RBFOX1: variants seen among roughly 807,000 people sequenced by gnomAD.
RBFOX1 encodes the protein RNA binding protein fox-1 homolog 1.
Under a neutral mutation model 57.7 loss-of-function variants are expected in RBFOX1, and 8 were observed. The ratio of observed to expected loss-of-function variants is 0.14; its 90% confidence interval spans 0.08 to 0.25. The LOEUF (loss-of-function observed/expected upper bound fraction) is 0.25, where lower values mean the gene tolerates loss of function less well. Among genes scored for constraint, RBFOX1 ranks in the 10% least tolerant of loss-of-function variants. The probability of loss-of-function intolerance (pLI) is 1.00; values close to 1 mark genes in which losing one functional copy is unlikely to be tolerated. For missense variants in RBFOX1, 611 were observed against 548.5 expected, an observed-to-expected ratio of 1.11 and a Z score of -1.14; for synonymous variants, 326 against 222.4, an observed-to-expected ratio of 1.47 and a Z score of -4.15.
chr16:7,029,297 T>C (rs1191580016), intron 3 of RBFOX1, among the ~76,000 whole-genome samples: 3 of 140,396 alleles, frequency 2.1e-5, no homozygotes, highest in Admixed American at 7.3e-5. Flanking sequence ...CATATATATA[T>C]ACGTATATGT....
intron 1 of RBFOX1, among the ~76,000 whole-genome samples, chr16:6,116,315 G>A (rs2096495412): frequency 6.6e-6 from 1 of 152,110 alleles, no homozygotes; most frequent in East Asian, 1.9e-4. Flanking sequence ...GATCCCTAAT[G>A]TAGATGACAG....
At chr16:6,936,235 A>G (rs2077346777) in intron 3 of RBFOX1, among the ~76,000 whole-genome samples, 1 of 152,222 alleles carries the variant, frequency 6.6e-6, no homozygotes, top group Admixed American at 6.5e-5. Flanking sequence ...AGAATAAATT[A>G]AGGGATGCTG....
rs574250977 is a variant in RBFOX1, at chr16:6,742,677, A to C, written c.-16+88027A>C. Among the ~76,000 whole-genome samples, 102 of 152,318 alleles carry C rather than the reference A, an allele frequency of 6.7e-4. 1 individual carries two copies. The highest frequency in any genetic ancestry group is 3.5e-4 in the Non-Finnish European group (24 of 68,020). On this transcript the variant is annotated intron_variant, in intron 3 of 15. Transcript: ENST00000550418. Reference sequence around the variant, plus strand: ...TAAAAACTGAATGAACTATCGATATACACAACACCTGTGATGAATCTCAAG... The same window carrying C: ...TAAAAACTGAATGAACTATCGATATCCACAACACCTGTGATGAATCTCAAG...
At chr16:7,206,804 A>G (rs1183245963) in intron 4 of RBFOX1, among the ~76,000 whole-genome samples, 1 of 152,116 alleles carries the variant, frequency 6.6e-6, no homozygotes, top group African/African-American at 2.4e-5. Context: ...GGAGAGTGAA[A>G]GGGGCATTTT....
rs192130501 is a variant in RBFOX1 at position 6,143,393 on chromosome 16, C to G, written c.-127+123401C>G. 4.6e-5 allele frequency among the ~76,000 whole-genome samples: 7 copies of G among 152,258 alleles called. No homozygotes were observed. In the East Asian group the frequency reaches 1.2e-3, roughly 25 times the overall value. On this transcript the variant is annotated intron_variant, in intron 1 of 15. Transcript: ENST00000550418. ...TGTTCATAAGTCAGATTGATGGTCTCAAGTATTATTTCATCAAATCACAAT... is the reference window on the plus strand; with the variant it reads ...TGTTCATAAGTCAGATTGATGGTCTGAAGTATTATTTCATCAAATCACAAT...
chr16:6,573,008 ACT>A (rs1197708130), intron 2 of RBFOX1, among the ~76,000 whole-genome samples: 1 of 152,058 alleles, frequency 6.6e-6, no homozygotes, highest in Non-Finnish European at 1.5e-5. Flanking sequence ...GTCAGGGATC[ACT>A]CTATTAAGAG....
intron 2 of RBFOX1, among the ~76,000 whole-genome samples, chr16:6,377,911 C>T (rs1442050309): frequency 6.6e-6 from 1 of 152,160 alleles, no homozygotes; most frequent in African/African-American, 2.4e-5. Flanking sequence ...TGCCCCACTC[C>T]AAGAGGTGCT....
At chr16:6,287,193 G>A (rs2076986711) in intron 1 of RBFOX1, among the ~76,000 whole-genome samples, 1 of 152,108 alleles carries the variant, frequency 6.6e-6, no homozygotes, top group Admixed American at 6.5e-5. Context: ...CAGCCTCCAA[G>A]AATGAACTTT....
intron 4 of RBFOX1, among the ~76,000 whole-genome samples, chr16:7,385,705 G>A (rs2097863278): frequency 6.6e-6 from 1 of 152,086 alleles, no homozygotes; most frequent in African/African-American, 2.4e-5. Context: ...CTCAAGAGGT[G>A]GGTTTGTCAT....
intron 3 of RBFOX1, among the ~76,000 whole-genome samples, chr16:6,977,166 T>C (rs991642243): frequency 3.4e-5 from 5 of 145,728 alleles, no homozygotes; most frequent in African/African-American, 1.3e-4. Context: ...TATCATATAT[T>C]ATCATATATA....
intron 4 of RBFOX1, among the ~76,000 whole-genome samples, chr16:5,978,272 C>G (rs2060106962): frequency 6.6e-6 from 1 of 151,528 alleles, no homozygotes; most frequent in Non-Finnish European, 1.5e-5. Flanking sequence ...TATGATCACA[C>G]CACTGCACTC....
intron 4 of RBFOX1, among the ~76,000 whole-genome samples, chr16:7,327,453 G>A (rs573867225): frequency 1.3e-4 from 20 of 152,204 alleles, no homozygotes; most frequent in Admixed American, 3.3e-4. Flanking sequence ...GTGAGTGATT[G>A]TGTGAGTAAT....
intron 2 of RBFOX1, among the ~76,000 whole-genome samples, chr16:6,507,669 C>T (rs937567460): frequency 2.0e-5 from 3 of 152,012 alleles, no homozygotes. Flanking sequence ...GTTATATGTC[C>T]AACATGGATG....
At chr16:7,070,814 G>A (rs550744110) in intron 4 of RBFOX1, among the ~76,000 whole-genome samples, 1 of 152,312 alleles carries the variant, frequency 6.6e-6, no homozygotes, top group South Asian at 2.1e-4. Flanking sequence ...AGGTGGTGCG[G>A]ATTGGGAAAC....
At chr16:5,602,168 C>T (rs984549660), downstream of RBFOX1, among the ~76,000 whole-genome samples, 1 of 152,220 alleles carries the variant, frequency 6.6e-6, no homozygotes, top group Non-Finnish European at 1.5e-5. Flanking sequence ...TGGGTAGAAG[C>T]AGTCATTTTG....
chr16:7,514,299 G>T (rs1360097166), intron 4 of RBFOX1, among the ~76,000 whole-genome samples: 1 of 152,112 alleles, frequency 6.6e-6, no homozygotes, highest in Non-Finnish European at 1.5e-5. Context: ...CGTTTGCTAG[G>T]TCCTCTCTTC....
intron 3 of RBFOX1, chr16:6,983,496 C>T (rs1263024638): frequency 2.7e-5 from 4 of 150,936 alleles, no homozygotes; most frequent in South Asian, 2.1e-4. Context: ...GAAGCGCTTA[C>T]TTCAGCTTAT....
intron 2 of RBFOX1, among the ~76,000 whole-genome samples, chr16:6,504,019 G>A (rs570454417): frequency 1.2e-4 from 18 of 152,130 alleles, no homozygotes; most frequent in East Asian, 1.9e-4. Context: ...TTGCTTATAC[G>A]TATGCATCTT....
chr16:7,094,949 C>T (rs62014114), intron 4 of RBFOX1, among the ~76,000 whole-genome samples: 14,948 of 152,058 alleles, frequency 0.098, 770 homozygotes, highest in East Asian at 0.18. Flanking sequence ...TATCTGTAAA[C>T]ATCTATTGTA....
Sources: allele counts gnomAD v4.1 joint callset (sites outside exome capture counted in the v4.1 genomes callset), GRCh38; gene constraint gnomAD v4.1.1; transcripts MANE v1.5; gene names NCBI Gene and HGNC (gene_info 2026-07-23, HGNC 2026-07-21).